Variants in EEF1AKMT1 observed in about 807,000 individuals in gnomAD.
The protein encoded by EEF1AKMT1 is N-6 adenine-specific DNA methyltransferase 2 (putative).
Under a neutral mutation model 21.0 loss-of-function variants are expected in EEF1AKMT1, and 18 were observed. The ratio of observed to expected loss-of-function variants is 0.86; its 90% confidence interval spans 0.59 to 1.27. The LOEUF is 1.27. Among genes scored for constraint, EEF1AKMT1 ranks in the 50% most tolerant of loss-of-function variants. The pLI is 0.00. For synonymous variants in EEF1AKMT1, 109 were observed against 94.8 expected, an observed-to-expected ratio of 1.15 and a Z score of -0.87; for missense variants, 246 against 258.6, an observed-to-expected ratio of 0.95 and a Z score of 0.33.
chr13:20,731,823 A>T lies in EEF1AKMT1; in HGVS notation c.508+18T>A. On this transcript the variant is annotated intron_variant, in intron 4 of 4. Transcript: ENST00000382758. Reference sequence around the variant, plus strand: ...CCACTGTCAGTGACTTTGATGAGATATGAAATGCAGCACCTACCTGTGCAC... The same window carrying T: ...CCACTGTCAGTGACTTTGATGAGATTTGAAATGCAGCACCTACCTGTGCAC... 1 of 1,599,814 alleles carries T rather than the reference A, an allele frequency of 6.3e-7. No homozygotes were observed. Among genetic ancestry groups the T allele is most frequent in the Non-Finnish European group, 8.5e-7 (1 of 1,170,566 alleles).
At chr13:20,761,829 C>A (rs1178840310) in intron 1 of EEF1AKMT1, among the ~76,000 whole-genome samples, 1 of 152,142 alleles carries the variant, frequency 6.6e-6, no homozygotes, top group Admixed American at 6.5e-5. Context: ...CCATACAATT[C>A]ATCTATTTAA....
Position 20,731,951 on chromosome 13 carries a change from T to G in EEF1AKMT1, c.398A>C (p.His133Pro), listed in dbSNP as rs746041478. ...ATCTGCTATTACGATGTCAAAACTA[T>G]GTGCAGCAATTCTTTCGGGTAAGTC... The part of the protein sequence containing the change: ...PLDLPERIAA[H>P]SFDIVIADPP... The change falls in exon 4 of 5, where the codon CAT (histidine) becomes CCT (proline). Residue 133 changes from histidine to proline, a missense_variant. Physicochemically the swap from His to Pro is moderately conservative, Grantham distance 77 (BLOSUM62 -2). Transcript: ENST00000382758. 3 of 1,614,138 alleles carry G rather than the reference T, an allele frequency of 1.9e-6. No individual in the cohort carries two copies. Among genetic ancestry groups the G allele is most frequent in the Non-Finnish European group, 1.7e-6 (2 of 1,180,054 alleles).
chr13:20,748,762 C>T (rs184780927), intron 2 of EEF1AKMT1, among the ~76,000 whole-genome samples: 1 of 117,856 alleles, frequency 8.5e-6, no homozygotes, highest in East Asian at 3.1e-4. Flanking sequence ...CAGAGTCTCA[C>T]TCTGTCACCC....
At chr13:20,771,594 G>A (rs1185011006) in intron 1 of EEF1AKMT1, among the ~76,000 whole-genome samples, 5 of 152,204 alleles carry the variant, frequency 3.3e-5, no homozygotes, top group Non-Finnish European at 7.3e-5. Flanking sequence ...AACACATGGA[G>A]AGCATAGGGG....
chr13:20,731,891 G>GT lies in EEF1AKMT1; in HGVS notation c.457dup (p.Thr153AsnfsTer47). The stretch of plus-strand genomic sequence containing the variant: ...CGTCAGGTACTTGACGGTTTCCGAT[G>GT]TTTTTCTGAGACATTCCTCCGAAAG... On this transcript the variant is annotated frameshift_variant, in exon 4 of 5. Coordinates refer to ENST00000382758, the MANE Select transcript of EEF1AKMT1 (RefSeq NM_001318939.2). LOFTEE classifies it high-confidence loss of function. 6.2e-7 allele frequency: 1 copy of GT among 1,614,164 alleles called. No individual in the cohort carries two copies. Among genetic ancestry groups the GT allele is most frequent in the African/African-American group, 1.3e-5 (1 of 75,020 alleles).
intron 3 of EEF1AKMT1, 142 bp from the exon 4 acceptor site, chr13:20,732,263 A>G (rs1183493896): frequency 1.2e-6 from 1 of 845,938 alleles, no homozygotes; most frequent in Non-Finnish European, 1.8e-6. Flanking sequence ...GTAATAGTTA[A>G]TGTTGAGAAA....
intron 3 of EEF1AKMT1, among the ~76,000 whole-genome samples, chr13:20,735,789 A>G (rs2058823025): frequency 6.6e-6 from 1 of 152,216 alleles, no homozygotes; most frequent in South Asian, 2.1e-4. Context: ...GGAGAAGAGA[A>G]CTTTAAAAAA....
chr13:20,747,755 A>C (rs1021191071), intron 2 of EEF1AKMT1: 8 of 153,590 alleles, frequency 5.2e-5, no homozygotes, highest in African/African-American at 1.9e-4. Flanking sequence ...GTGAGCCACC[A>C]CAGGATCTCG....
intron 4 of EEF1AKMT1, among the ~76,000 whole-genome samples, chr13:20,730,969 G>A (rs1445735488): frequency 3.3e-5 from 5 of 152,174 alleles, no homozygotes; most frequent in Non-Finnish European, 2.9e-5. Context: ...AGGGTCTGCC[G>A]CTTCTTTCCT....
At chr13:20,766,695 G>A (rs746487909) in intron 1 of EEF1AKMT1, among the ~76,000 whole-genome samples, 14 of 151,980 alleles carry the variant, frequency 9.2e-5, no homozygotes, top group Admixed American at 2.0e-4. Flanking sequence ...GATGGCAGGC[G>A]CCTGTAGTCC....
chr13:20,759,985 G>T (rs368514349), intron 1 of EEF1AKMT1, among the ~76,000 whole-genome samples: 1 of 151,474 alleles, frequency 6.6e-6, no homozygotes, highest in East Asian at 2.0e-4. Flanking sequence ...GGCACCTGTA[G>T]TCCCAGCTAC....
chr13:20,751,069 A>C (rs999065817), intron 2 of EEF1AKMT1, among the ~76,000 whole-genome samples: 1 of 152,166 alleles, frequency 6.6e-6, no homozygotes, highest in African/African-American at 2.4e-5. Flanking sequence ...TATATATTCT[A>C]GATACGAGTC....
chr13:20,730,725 A>G (rs1319567786), intron 4 of EEF1AKMT1, among the ~76,000 whole-genome samples: 2 of 152,070 alleles, frequency 1.3e-5, no homozygotes, highest in African/African-American at 2.4e-5. Context: ...AAATGGACCA[A>G]TCAGCACTCT....
intron 3 of EEF1AKMT1, among the ~76,000 whole-genome samples, chr13:20,733,066 A>T (rs1280285780): frequency 6.7e-6 from 1 of 150,308 alleles, no homozygotes; most frequent in Admixed American, 6.7e-5. Flanking sequence ...TAACCTAAAT[A>T]CGGAATTATT....
rs781162342 is a variant in EEF1AKMT1, at chr13:20,737,847, T to C, written c.145-42A>G. ...GGTTGATAGCATTTTAGAACTGGCA[T>C]AAGCTTTGTTCTTTTAATTTATATA... On this transcript the variant is annotated intron_variant, in intron 2 of 4. Coordinates refer to ENST00000382758, the MANE Select transcript of EEF1AKMT1 (RefSeq NM_001318939.2). The C allele has an allele frequency of 2.1e-6, 3 of 1,432,636 alleles. No individual in the cohort carries two copies. In the South Asian group the frequency reaches 3.6e-5, roughly 17 times the overall value. 88.7% of individuals were successfully genotyped at this position (1,432,636 alleles called of 1,614,324 possible).
chr13:20,729,052 C>G lies in EEF1AKMT1; in HGVS notation c.*28G>C. On this transcript the variant is annotated 3_prime_UTR_variant, in exon 5 of 5. Coordinates refer to ENST00000382758, the MANE Select transcript of EEF1AKMT1 (RefSeq NM_001318939.2). ...ACAAAAAGAGGAATGTGACAGGGTT[C>G]CTTCCTGTGTTATGTCACCGTCTGT... is the stretch of plus-strand genomic sequence containing the variant. 1.2e-6 allele frequency: 2 copies of G among 1,613,302 alleles called. No individual in the cohort carries two copies. Among genetic ancestry groups the G allele is most frequent in the Non-Finnish European group, 1.7e-6 (2 of 1,179,408 alleles).
intron 4 of EEF1AKMT1, among the ~76,000 whole-genome samples, chr13:20,730,478 C>T (rs952312750): frequency 6.6e-6 from 1 of 152,168 alleles, no homozygotes; most frequent in Admixed American, 6.5e-5. Flanking sequence ...AATAAAGAGA[C>T]GGGTCAGTTG....
chr13:20,732,160 C>T (rs750575345), intron 3 of EEF1AKMT1, 39 bp from the exon 4 acceptor site: 1 of 1,566,590 alleles, frequency 6.4e-7, no homozygotes, highest in Non-Finnish European at 8.6e-7. Flanking sequence ...ACATCCTTAA[C>T]AGAGAGATTA....
At chr13:20,731,342 G>C (rs1057172190) in intron 4 of EEF1AKMT1, among the ~76,000 whole-genome samples, 1 of 152,184 alleles carries the variant, frequency 6.6e-6, no homozygotes, top group Non-Finnish European at 1.5e-5. Flanking sequence ...GCACACACCT[G>C]TAAGTTCCAG....
Sources: gnomAD v4.1 joint callset for allele counts (sites outside exome capture counted in the v4.1 genomes callset) on GRCh38, gnomAD v4.1.1 for gene constraint, MANE v1.5 for transcripts, NCBI Gene and HGNC (gene_info 2026-07-23, HGNC 2026-07-21) for gene names.